Variants in CSMD1 observed in about 807,000 individuals in gnomAD.
CSMD1 encodes the protein CUB and Sushi multiple domains 1.
In CSMD1, 213 loss-of-function variants were observed where a neutral mutation model predicts 417.5. The observed-to-expected ratio is 0.51, with a 90% CI of 0.46 to 0.57. CSMD1 has a LOEUF of 0.57. Among genes scored for constraint, CSMD1 ranks in the 20% least tolerant of loss-of-function variants. The pLI is 0.00. For missense variants in CSMD1, 6,923 were observed against 4,529.7 expected (o/e 1.53, Z -15.17); for synonymous variants, 2,862 against 1,736.8 (o/e 1.65, Z -16.11).
intron 3 of CSMD1, among the ~76,000 whole-genome samples, chr8:4,237,318 T>C (rs1802126281): frequency 6.6e-6 from 1 of 152,176 alleles, no homozygotes; most frequent in Admixed American, 6.5e-5. Flanking sequence ...TGTTAACTCC[T>C]TGAACAGTAA....
In CSMD1 at chr8:4,748,382, T is replaced by A. The variant is rs560302346; in HGVS notation, c.86-110824A>T. On this transcript the variant is annotated intron_variant, in intron 1 of 69. Transcript: ENST00000635120. ...TAGCATGGTTTTCTGCTCCTTTGAATACTTTTTAAATCTGAAACTAAGGAA... is the reference window on the plus strand; with the variant it reads ...TAGCATGGTTTTCTGCTCCTTTGAAAACTTTTTAAATCTGAAACTAAGGAA... Among the ~76,000 whole-genome samples the A allele has an allele frequency of 3.9e-5, 6 of 152,364 alleles. 1 individual carries two copies. Among genetic ancestry groups the A allele is most frequent in the African/African-American group, 1.2e-4 (5 of 41,588 alleles).
chr8:4,121,379 G>C (rs1044243327), intron 3 of CSMD1, among the ~76,000 whole-genome samples: 6 of 151,936 alleles, frequency 3.9e-5, no homozygotes, highest in African/African-American at 1.5e-4. Context: ...CCTCCCAAAG[G>C]GCTGGGATTA....
chr8:4,404,897 G>A (rs1327813734), intron 3 of CSMD1, among the ~76,000 whole-genome samples: 1 of 152,068 alleles, frequency 6.6e-6, no homozygotes, highest in Non-Finnish European at 1.5e-5. Flanking sequence ...TTCGCTCATT[G>A]AATTTTTCCA....
intron 1 of CSMD1, among the ~76,000 whole-genome samples, chr8:4,791,053 T>C (rs1262820279): frequency 6.8e-6 from 1 of 147,996 alleles, no homozygotes. Flanking sequence ...AAACACAAGC[T>C]AGTAGGGAGA....
In CSMD1 at chr8:3,241,945, T is replaced by C. The variant is rs541410256; in HGVS notation, c.4154-11714A>G. ...TTAATGCCGGGAGCAGATTGGGTAA[T>C]AAAATGTATATTGAGAATAAGACGG... On this transcript the variant is annotated intron_variant, in intron 26 of 69. Coordinates refer to ENST00000635120, the MANE Select transcript of CSMD1 (RefSeq NM_033225.6). Among the ~76,000 whole-genome samples, 766 of 145,076 alleles carry C rather than the reference T, an allele frequency of 5.3e-3. 5 individuals are homozygous for C. Among genetic ancestry groups the C allele is most frequent in the Non-Finnish European group, 9.2e-3 (607 of 66,156 alleles).
intron 6 of CSMD1, among the ~76,000 whole-genome samples, chr8:3,734,836 C>G (rs2129048657): frequency 6.6e-6 from 1 of 152,320 alleles, no homozygotes; most frequent in Middle Eastern, 3.4e-3. Context: ...CTTCTGGTTG[C>G]TCCCATGAAA....
intron 7 of CSMD1, among the ~76,000 whole-genome samples, chr8:3,667,188 T>C (rs955999154): frequency 2.0e-5 from 3 of 152,160 alleles, no homozygotes; most frequent in African/African-American, 7.2e-5. Flanking sequence ...ATAAGACAAA[T>C]GTGCAAACAT....
intron 8 of CSMD1, 55 bp from the exon 9 acceptor site, chr8:3,586,315 T>C: frequency 6.9e-7 from 1 of 1,457,848 alleles, no homozygotes; most frequent in Non-Finnish European, 9.0e-7. Context: ...AAGACTTCTT[T>C]AGGAAAAAAA....
chr8:3,271,016 G>A (rs1253435872), intron 26 of CSMD1, among the ~76,000 whole-genome samples: 5 of 151,628 alleles, frequency 3.3e-5, no homozygotes, highest in South Asian at 4.2e-4. Context: ...CCATGCTGGT[G>A]CGCTGCACCC....
chr8:3,268,412 C>T (rs1446186117), intron 26 of CSMD1, among the ~76,000 whole-genome samples: 1 of 150,846 alleles, frequency 6.6e-6, no homozygotes, highest in Non-Finnish European at 1.5e-5. Context: ...CCTCAACCTC[C>T]CGAGTAACTG....
rs530209780 is a variant in CSMD1, at chr8:3,087,259, G to C, written c.7312C>G (p.Leu2438Val). Residue 2438 changes from leucine to valine, a missense_variant, in exon 49 of 70, where the codon CTG becomes GTG. Transcript: ENST00000635120. ...CTGTTTAGAATACCCCCATTCTTCAGGGGGTGGGTCAAACTGCAGTAAGGT... is the reference window on the plus strand; with the variant it reads ...CTGTTTAGAATACCCCCATTCTTCACGGGGTGGGTCAAACTGCAGTAAGGT... The part of the protein sequence containing the change: ...AAPYCSLTHP[L>V]KNGGILNRTA... 1 of 1,613,820 alleles carries C rather than the reference G, an allele frequency of 6.2e-7. No individual in the cohort carries two copies. Among genetic ancestry groups the C allele is most frequent in the African/African-American group, 1.3e-5 (1 of 74,916 alleles).
intron 1 of CSMD1, among the ~76,000 whole-genome samples, chr8:4,914,001 A>G (rs575403080): frequency 5.8e-4 from 88 of 152,356 alleles, no homozygotes; most frequent in African/African-American, 2.0e-3. Flanking sequence ...ATTATTTCAC[A>G]TATAAGGTGT....
intron 12 of CSMD1, among the ~76,000 whole-genome samples, chr8:3,464,995 C>G (rs904975106): frequency 2.0e-5 from 3 of 152,014 alleles, no homozygotes; most frequent in Non-Finnish European, 4.4e-5. Context: ...TGTATAATAG[C>G]TATAGATAAT....
At chr8:3,796,358 GAT>G (rs1800132338) in intron 5 of CSMD1, among the ~76,000 whole-genome samples, 1 of 96,114 alleles carries the variant, frequency 1.0e-5, no homozygotes, top group African/African-American at 4.2e-5. Flanking sequence ...ATCATGTATA[GAT>G]ATAGATATCT....
At chr8:3,246,971 G>C (rs1466303666) in intron 26 of CSMD1, among the ~76,000 whole-genome samples, 1 of 152,142 alleles carries the variant, frequency 6.6e-6, no homozygotes, top group Non-Finnish European at 1.5e-5. Context: ...ACTTTTGTAA[G>C]TGAATTATGT....
chr8:3,613,035 C>T (rs533297025), intron 8 of CSMD1, among the ~76,000 whole-genome samples: 2 of 151,768 alleles, frequency 1.3e-5, no homozygotes, highest in Non-Finnish European at 1.5e-5. Context: ...TGTTAATAGG[C>T]AGATGGAACA....
intron 5 of CSMD1, among the ~76,000 whole-genome samples, chr8:3,804,489 TC>T (rs1800623127): frequency 6.6e-6 from 1 of 152,198 alleles, no homozygotes; most frequent in African/African-American, 2.4e-5. Flanking sequence ...ATGGATTTGA[TC>T]ACTTTATTAA....
At chr8:3,875,466 G>T (rs555376098) in intron 5 of CSMD1, among the ~76,000 whole-genome samples, 1 of 152,232 alleles carries the variant, frequency 6.6e-6, no homozygotes, top group East Asian at 1.9e-4. Flanking sequence ...GGGTGGAAAA[G>T]CCCGAACTGG....
intron 3 of CSMD1, among the ~76,000 whole-genome samples, chr8:4,144,282 C>A (rs1803976855): frequency 6.6e-6 from 1 of 151,120 alleles, no homozygotes; most frequent in South Asian, 2.1e-4. Context: ...CTCACACTCA[C>A]CCCACTTAAA....
Sources: allele counts gnomAD v4.1 joint callset (sites outside exome capture counted in the v4.1 genomes callset), GRCh38; gene constraint gnomAD v4.1.1; transcripts MANE v1.5; gene names NCBI Gene and HGNC (gene_info 2026-07-23, HGNC 2026-07-21).